Variants in RIN3 observed in about 807,000 individuals in gnomAD.
RIN3 encodes the protein Ras and Rab interactor 3.
A neutral mutation model predicts 76.3 loss-of-function variants in RIN3; 54 were observed. The observed-to-expected ratio is 0.71, with a 90% CI of 0.57 to 0.89. The LOEUF is 0.89. Among genes scored for constraint, RIN3 ranks in the 40% least tolerant of loss-of-function variants. The probability of loss-of-function intolerance (pLI) is 0.00; values close to 1 mark genes in which losing one functional copy is unlikely to be tolerated. For missense variants in RIN3, 1,256 were observed against 1,322.1 expected (o/e 0.95, Z 0.78); for synonymous variants, 576 against 564.0 (o/e 1.02, Z -0.30).
chr14:92,665,466 C>T (rs1244900868), intron 7 of RIN3, among the ~76,000 whole-genome samples: 1 of 149,934 alleles, frequency 6.7e-6, no homozygotes, highest in Non-Finnish European at 1.5e-5. Flanking sequence ...GCAAGCTCCT[C>T]CTCCCGGGGT....
rs1887778786 is a variant in RIN3, at chr14:92,659,076, G to A, written c.2027-85G>A. 4 of 1,319,128 alleles carry A rather than the reference G, an allele frequency of 3.0e-6. No individual in the cohort carries two copies. The Admixed American group carries it at 7.0e-5, about 23-fold the overall frequency. The allele number at this position is 1,319,128 out of a possible 1,614,324, so 81.7% of individuals were successfully genotyped here. A position where few individuals can be genotyped will look rare whatever the true frequency, so the allele number is the denominator to read the frequency against. On this transcript the variant is annotated intron_variant, in intron 6 of 9. Transcript: ENST00000216487. ...GTCCTTCCAGGGGCCAGGGGATGGG[G>A]ATGGCTGTGCTGTTGGGCAACAGAA...
intron 2 of RIN3, chr14:92,576,310 C>G: frequency 7.8e-7 from 1 of 1,289,782 alleles, no homozygotes; most frequent in Admixed American, 2.3e-5. Context: ...CTCACTGGAG[C>G]AGAACCATTG....
At chr14:92,579,283 G>A (rs981826335) in intron 3 of RIN3, among the ~76,000 whole-genome samples, 6 of 152,222 alleles carry the variant, frequency 3.9e-5, no homozygotes, top group African/African-American at 1.4e-4. Context: ...AAGGCGGCCT[G>A]GTCTCCAGGC....
At chr14:92,678,292 A>C (rs1380360403) in intron 8 of RIN3, among the ~76,000 whole-genome samples, 3 of 149,228 alleles carry the variant, frequency 2.0e-5, no homozygotes, top group Non-Finnish European at 3.0e-5. Flanking sequence ...CTGTCCACCC[A>C]CCTGCCCATC....
chr14:92,636,317 G>A (rs1212387561), intron 4 of RIN3, among the ~76,000 whole-genome samples: 4 of 152,362 alleles, frequency 2.6e-5, no homozygotes, highest in South Asian at 4.1e-4. Context: ...TGGGCACAGC[G>A]GCTCACGCCT....
intron 7 of RIN3, among the ~76,000 whole-genome samples, chr14:92,661,065 C>T (rs1173427326): frequency 1.3e-5 from 2 of 152,198 alleles, no homozygotes; most frequent in Non-Finnish European, 2.9e-5. Context: ...CCAATTTCCT[C>T]GCCTGAGGAA....
chr14:92,552,354 C>T (rs1019197537), intron 1 of RIN3, among the ~76,000 whole-genome samples: 14 of 152,182 alleles, frequency 9.2e-5, no homozygotes, highest in African/African-American at 3.1e-4. Context: ...GCAGACCCTC[C>T]TGGGCCCTGA....
rs181934746 is a variant in RIN3 at position 92,599,079 on chromosome 14, G to T, written c.368-16328G>T. Among the ~76,000 whole-genome samples, 18 of 152,320 alleles carry T rather than the reference G, an allele frequency of 1.2e-4. No homozygotes were observed. The East Asian group carries it at 1.9e-3, about 16-fold the overall frequency. ...TCCAGTGTGGCTGGTGTGAAAGGGA[G>T]GGAAAGCCGAGAACAGGAGCATCAG... On this transcript the variant is annotated intron_variant, in intron 3 of 9. Transcript: ENST00000216487.
At chr14:92,596,972 T>C (rs1885169478) in intron 3 of RIN3, among the ~76,000 whole-genome samples, 1 of 152,192 alleles carries the variant, frequency 6.6e-6, no homozygotes, top group Non-Finnish European at 1.5e-5. Flanking sequence ...ATGCTATAAA[T>C]CAGGGTTTGT....
At chr14:92,541,564 T>C (rs1035788524) in intron 1 of RIN3, among the ~76,000 whole-genome samples, 1 of 152,222 alleles carries the variant, frequency 6.6e-6, no homozygotes, top group African/African-American at 2.4e-5. Flanking sequence ...GAAAGAATCA[T>C]CTTTCAACAA....
chr14:92,543,985 A>G (rs1420574570), intron 1 of RIN3, among the ~76,000 whole-genome samples: 1 of 151,994 alleles, frequency 6.6e-6, no homozygotes, highest in Admixed American at 6.6e-5. Flanking sequence ...ATTCAGCCCT[A>G]GCTTCCTCCA....
At chr14:92,635,026 G>GT (rs1335319636) in intron 4 of RIN3, among the ~76,000 whole-genome samples, 1 of 152,172 alleles carries the variant, frequency 6.6e-6, no homozygotes, top group African/African-American at 2.4e-5. Context: ...CCTCACAAGT[G>GT]TCTAGTTCCC....
chr14:92,514,608 G>GGCGCACGGGCT lies in RIN3; in HGVS notation c.44+637_44+647dup, dbSNP rs1458668583. Among the ~76,000 whole-genome samples the GGCGCACGGGCT allele has an allele frequency of 6.6e-5, 10 of 152,354 alleles. No homozygotes were observed. The highest frequency in any genetic ancestry group is 3.4e-3 in the Middle Eastern group (1 of 294). On this transcript the variant is annotated intron_variant, in intron 1 of 9. Transcript: ENST00000216487. This position sits in a 1 kb window ranked among gnomAD's most constrained non-coding sequence, Gnocchi z 7.2. The stretch of plus-strand genomic sequence containing the variant: ...AGCCTAGTGCTTGGGTAGGGTCCAG[G>GGCGCACGGGCT]GCGCACGGGCTGCGCGCGGGCTGTG...
chr14:92,536,406 G>A (rs996025680), intron 1 of RIN3, among the ~76,000 whole-genome samples: 1 of 152,128 alleles, frequency 6.6e-6, no homozygotes, highest in Non-Finnish European at 1.5e-5. Context: ...CTCATCAGTA[G>A]GAATTTGGCA....
At chr14:92,577,998 A>G (rs1898307976) in intron 3 of RIN3, among the ~76,000 whole-genome samples, 1 of 152,214 alleles carries the variant, frequency 6.6e-6, no homozygotes, top group Admixed American at 6.5e-5. Flanking sequence ...CCAACACTTC[A>G]GAAGGCAGAG....
intron 8 of RIN3, among the ~76,000 whole-genome samples, chr14:92,683,037 CGT>C (rs1374821806): frequency 1.3e-5 from 2 of 152,040 alleles, no homozygotes; most frequent in Non-Finnish European, 2.9e-5. Context: ...CGTGGTGGTG[CGT>C]GCCTATAATC....
intron 2 of RIN3, among the ~76,000 whole-genome samples, chr14:92,567,665 A>G (rs796833728): frequency 8.1e-4 from 114 of 140,914 alleles, no homozygotes; most frequent in African/African-American, 2.9e-3. Flanking sequence ...TGCCAAGGCC[A>G]TGCTGTTTTC....
At chr14:92,547,047 TATA>T (rs201035865) in intron 1 of RIN3, among the ~76,000 whole-genome samples, 1,914 of 119,438 alleles carry the variant, frequency 0.016, 469 homozygotes, top group Non-Finnish European at 0.025. Flanking sequence ...TTTATTTTAT[TATA>T]ATAAAATAAA....
intron 1 of RIN3, among the ~76,000 whole-genome samples, chr14:92,546,671 T>C (rs1391572445): frequency 3.3e-5 from 5 of 152,180 alleles, no homozygotes; most frequent in African/African-American, 1.2e-4. Flanking sequence ...TTTGATAGAT[T>C]GTTATGATAG....
Sources: gnomAD v4.1 joint callset for allele counts (sites outside exome capture counted in the v4.1 genomes callset) on GRCh38, gnomAD v4.1.1 for gene constraint, Gnocchi (gnomAD v3.1) non-coding constraint, MANE v1.5 for transcripts, NCBI Gene and HGNC (gene_info 2026-07-23, HGNC 2026-07-21) for gene names.